The following SCAPER variants were observed in gnomAD, a reference collection of about 807,000 sequenced individuals.
The protein encoded by SCAPER is S phase cyclin A-associated protein in the endoplasmic reticulum.
A neutral mutation model predicts 182.2 loss-of-function variants in SCAPER; 98 were observed. The observed-to-expected ratio is 0.54, with a 90% CI of 0.46 to 0.64. The LOEUF (loss-of-function observed/expected upper bound fraction) is 0.64, where lower values mean the gene tolerates loss of function less well. Ranked by LOEUF, SCAPER falls within the 30% of genes least tolerant of loss-of-function variation. The probability of loss-of-function intolerance (pLI) is 0.00; values close to 1 mark genes in which losing one functional copy is unlikely to be tolerated. For missense variants in SCAPER, 1,432 were observed against 1,690.0 expected (o/e 0.85, Z 2.68); for synonymous variants, 605 against 564.6 (o/e 1.07, Z -1.01).
In SCAPER at chr15:76,452,932, G is replaced by C. The variant is rs1018534286; in HGVS notation, c.3078+18280C>G. ...TGCAACCTCAATCTCTTGGGCCCAA[G>C]TGATCCTTCTACTTCAGCCCAGTGA... On this transcript the variant is annotated intron_variant, in intron 25 of 31. Coordinates refer to ENST00000563290, the MANE Select transcript of SCAPER (RefSeq NM_020843.4). Among the ~76,000 whole-genome samples, 3 of 152,050 alleles carry C rather than the reference G, an allele frequency of 2.0e-5. No homozygotes were observed. In the South Asian group the frequency reaches 6.2e-4, roughly 31 times the overall value.
At chr15:76,714,368 G>T (rs770398044) in intron 17 of SCAPER, among the ~76,000 whole-genome samples, 1 of 152,096 alleles carries the variant, frequency 6.6e-6, no homozygotes, top group African/African-American at 2.4e-5. Context: ...TCAATTTCAA[G>T]CAAGGTTGTG....
At chr15:76,584,197 A>C (rs1284718902) in intron 22 of SCAPER, among the ~76,000 whole-genome samples, 1 of 152,214 alleles carries the variant, frequency 6.6e-6, no homozygotes, top group Admixed American at 6.5e-5. Context: ...GTTTTCACTT[A>C]TGTTTGGGAG....
At chr15:76,476,933 A>G (rs893785997) in intron 24 of SCAPER, among the ~76,000 whole-genome samples, 2 of 151,878 alleles carry the variant, frequency 1.3e-5, no homozygotes, top group African/African-American at 4.8e-5. Context: ...TTGTTTTAAC[A>G]ACAGTCAGAA....
At chr15:76,666,177 G>A (rs2056560933) in intron 20 of SCAPER, among the ~76,000 whole-genome samples, 1 of 152,184 alleles carries the variant, frequency 6.6e-6, no homozygotes, top group Non-Finnish European at 1.5e-5. Context: ...TCACTAGGCG[G>A]AAGAGGGGGA....
intron 22 of SCAPER, among the ~76,000 whole-genome samples, chr15:76,583,105 C>A (rs2048376988): frequency 6.6e-6 from 1 of 152,082 alleles, no homozygotes; most frequent in Admixed American, 6.6e-5. Flanking sequence ...GTAATCCCAG[C>A]ACTTTGGGAG....
chr15:76,498,664 C>T (rs573303971), intron 24 of SCAPER: 13 of 152,282 alleles, frequency 8.5e-5, no homozygotes, highest in Non-Finnish European at 1.2e-4. Context: ...CAACGTAATA[C>T]GTGCAGAGCA....
intron 8 of SCAPER, among the ~76,000 whole-genome samples, chr15:76,783,969 G>T (rs561944409): frequency 2.2e-4 from 34 of 152,008 alleles, no homozygotes; most frequent in African/African-American, 6.8e-4. Flanking sequence ...CTTTGAAAAC[G>T]GGCACAAGAC....
intron 21 of SCAPER, among the ~76,000 whole-genome samples, chr15:76,632,288 C>G (rs2053184894): frequency 6.6e-6 from 1 of 152,084 alleles, no homozygotes; most frequent in Non-Finnish European, 1.5e-5. Context: ...CTGCTGGGTT[C>G]AAACAACTCA....
At chr15:76,401,954 C>T (rs1458131422) in intron 27 of SCAPER, among the ~76,000 whole-genome samples, 2 of 152,074 alleles carry the variant, frequency 1.3e-5, no homozygotes, top group Non-Finnish European at 2.9e-5. Context: ...TGGTGAAACC[C>T]CATCTCTACT....
At chr15:76,870,944 C>A (rs1022719016) in intron 2 of SCAPER, among the ~76,000 whole-genome samples, 13 of 151,842 alleles carry the variant, frequency 8.6e-5, no homozygotes, top group Non-Finnish European at 1.8e-4. Context: ...AAAGTACCGA[C>A]AACAACAACA....
intron 24 of SCAPER, among the ~76,000 whole-genome samples, chr15:76,486,225 C>T (rs566043770): frequency 2.0e-5 from 3 of 151,866 alleles, no homozygotes; most frequent in African/African-American, 7.2e-5. Context: ...AACAAACAAA[C>T]AAACAAATAC....
At chr15:76,787,386 TTTTA>T (rs977536019) in intron 8 of SCAPER, among the ~76,000 whole-genome samples, 6 of 152,286 alleles carry the variant, frequency 3.9e-5, no homozygotes, top group African/African-American at 1.4e-4. Flanking sequence ...AGAATTTTTC[TTTTA>T]TTTATTTATT....
At chr15:76,730,433 A>G (rs1482413326) in intron 16 of SCAPER, among the ~76,000 whole-genome samples, 2 of 152,142 alleles carry the variant, frequency 1.3e-5, no homozygotes, top group Non-Finnish European at 2.9e-5. Context: ...TTACTGTCTG[A>G]GCATACTATT....
At chr15:76,550,720 C>T (rs1452260979) in intron 23 of SCAPER, among the ~76,000 whole-genome samples, 2 of 152,176 alleles carry the variant, frequency 1.3e-5, no homozygotes, top group Non-Finnish European at 1.5e-5. Flanking sequence ...AGTAATGGGA[C>T]TGCTGGGTCA....
intron 21 of SCAPER, among the ~76,000 whole-genome samples, chr15:76,625,282 C>T (rs2052465136): frequency 6.6e-6 from 1 of 152,100 alleles, no homozygotes; most frequent in Non-Finnish European, 1.5e-5. Flanking sequence ...CACTGGAGCC[C>T]CACTACTAGG....
intron 13 of SCAPER, 32 bp from the exon 14 acceptor site, chr15:76,765,104 G>T: frequency 7.0e-7 from 1 of 1,435,708 alleles, no homozygotes; most frequent in South Asian, 1.3e-5. Context: ...CAAGAGACAT[G>T]AAATGTTTAC....
intron 29 of SCAPER, among the ~76,000 whole-genome samples, chr15:76,367,316 G>T (rs537966510): frequency 5.9e-5 from 9 of 152,274 alleles, no homozygotes; most frequent in Admixed American, 4.6e-4. Context: ...CCTATCTCAG[G>T]AGAGGTGTTC....
At chr15:76,628,454 GT>G (rs1284577191) in intron 21 of SCAPER, among the ~76,000 whole-genome samples, 1 of 152,124 alleles carries the variant, frequency 6.6e-6, no homozygotes, top group Non-Finnish European at 1.5e-5. Context: ...ACTTTTGTAT[GT>G]GGTATAAGGA....
In SCAPER at chr15:76,601,877, T is replaced by C. The variant is rs1190270133; in HGVS notation, c.2711+19887A>G. Among the ~76,000 whole-genome samples the C allele has an allele frequency of 2.8e-4, 34 of 121,452 alleles. 6 individuals are homozygous for C. Among genetic ancestry groups the C allele is most frequent in the African/African-American group, 7.8e-4 (31 of 39,732 alleles). 79.7% of individuals were successfully genotyped at this position (121,452 alleles called of 152,430 possible). A position where few individuals can be genotyped will look rare whatever the true frequency, so the allele number is the denominator to read the frequency against. ...GTCATCCCTTGGTATATGTGTGAGA[T>C]TGGTTCCAGGAACCCCATGTAAAGC... On this transcript the variant is annotated intron_variant, in intron 22 of 31. Transcript: ENST00000563290.
Sources: allele counts gnomAD v4.1 joint callset (sites outside exome capture counted in the v4.1 genomes callset), GRCh38; gene constraint gnomAD v4.1.1; transcripts MANE v1.5; gene names NCBI Gene and HGNC (gene_info 2026-07-23, HGNC 2026-07-21).